SLC31A1: variants seen among roughly 807,000 people sequenced by gnomAD.
SLC31A1 encodes solute carrier family 31 member 1.
SLC31A1 carries 5 observed loss-of-function variants against 17.2 expected under a neutral mutation model. That is an observed-to-expected ratio of 0.29 (90% CI 0.15 to 0.61). The LOEUF (loss-of-function observed/expected upper bound fraction) is 0.61. SLC31A1 is among the 20% of genes least tolerant of loss of function. SLC31A1 has a pLI of 0.86. For missense variants in SLC31A1, 161 were observed against 241.4 expected (o/e 0.67, Z 2.21); for synonymous variants, 76 against 78.8 (o/e 0.96, Z 0.19).
chr9:113,236,413 G>C (rs1444690134), intron 1 of SLC31A1, among the ~76,000 whole-genome samples: 1 of 151,972 alleles, frequency 6.6e-6, no homozygotes, highest in Non-Finnish European at 1.5e-5. Flanking sequence ...GCCCAGGTTG[G>C]AGTGCAGTGG....
At chr9:113,234,749 C>G (rs1028791121) in intron 1 of SLC31A1, among the ~76,000 whole-genome samples, 2 of 151,884 alleles carry the variant, frequency 1.3e-5, no homozygotes, top group African/African-American at 2.4e-5. Context: ...CCAGGTGGTC[C>G]TTGGACCACA....
At chr9:113,223,833 C>T (rs140536074) in intron 1 of SLC31A1, among the ~76,000 whole-genome samples, 1 of 152,070 alleles carries the variant, frequency 6.6e-6, no homozygotes, top group Admixed American at 6.6e-5. Flanking sequence ...AAAGTTATAA[C>T]CAAGTTATAT....
intron 1 of SLC31A1, among the ~76,000 whole-genome samples, chr9:113,236,415 G>C (rs1296624197): frequency 3.3e-5 from 5 of 152,054 alleles, no homozygotes; most frequent in Non-Finnish European, 5.9e-5. Flanking sequence ...CCAGGTTGGA[G>C]TGCAGTGGTG....
intron 1 of SLC31A1, among the ~76,000 whole-genome samples, chr9:113,241,391 G>C (rs1318672512): frequency 1.3e-5 from 2 of 152,198 alleles, no homozygotes; most frequent in Non-Finnish European, 2.9e-5. Flanking sequence ...GCAAGATTCA[G>C]ATTCCAATGG....
At chr9:113,231,082 A>G (rs1831397902) in intron 1 of SLC31A1, among the ~76,000 whole-genome samples, 2 of 152,076 alleles carry the variant, frequency 1.3e-5, no homozygotes, top group South Asian at 4.1e-4. Context: ...CAAGTGCCAT[A>G]TCCTTCCTTT....
chr9:113,254,626 C>T (rs1380059733), intron 1 of SLC31A1, among the ~76,000 whole-genome samples: 6 of 152,120 alleles, frequency 3.9e-5, no homozygotes, highest in East Asian at 3.9e-4. Context: ...GGGCCGGGCA[C>T]GGTAGCTCAA....
chr9:113,257,406 C>A (rs1159598129), intron 3 of SLC31A1, among the ~76,000 whole-genome samples: 1 of 151,006 alleles, frequency 6.6e-6, no homozygotes, highest in Non-Finnish European at 1.5e-5. Flanking sequence ...TTTTGGAGCT[C>A]TAAAAAATAA....
chr9:113,222,714 G>A (rs1367795880), intron 1 of SLC31A1, among the ~76,000 whole-genome samples: 5 of 152,194 alleles, frequency 3.3e-5, no homozygotes, highest in Non-Finnish European at 5.9e-5. Flanking sequence ...TTGGAATGAT[G>A]CAACTGGAAT....
At chr9:113,252,324 C>T (rs1000299158) in intron 1 of SLC31A1, among the ~76,000 whole-genome samples, 1 of 152,118 alleles carries the variant, frequency 6.6e-6, no homozygotes, top group Non-Finnish European at 1.5e-5. Flanking sequence ...GAGATGGAGT[C>T]TCGGTCTGTC....
chr9:113,238,643 T>G (rs941012203), intron 1 of SLC31A1, among the ~76,000 whole-genome samples: 1 of 152,160 alleles, frequency 6.6e-6, no homozygotes, highest in African/African-American at 2.4e-5. Context: ...ACGCCTGTAA[T>G]CCCGCCTACT....
intron 1 of SLC31A1, among the ~76,000 whole-genome samples, chr9:113,255,025 A>T (rs1424309102): frequency 6.6e-6 from 1 of 152,222 alleles, no homozygotes; most frequent in African/African-American, 2.4e-5. Context: ...TTAATTTAAT[A>T]TAGAGTATCC....
chr9:113,256,385 A>T (rs747578143), intron 2 of SLC31A1, 108 bp downstream of exon 2: 169 of 1,314,750 alleles, frequency 1.3e-4, no homozygotes, highest in Non-Finnish European at 1.7e-4. Flanking sequence ...TCAGTTTACC[A>T]GTGAGGATAA....
At chr9:113,226,923 C>G (rs545169782) in intron 1 of SLC31A1, among the ~76,000 whole-genome samples, 5 of 152,250 alleles carry the variant, frequency 3.3e-5, no homozygotes, top group African/African-American at 1.2e-4. Context: ...TCTCTCCTAC[C>G]TTTTCTGATG....
chr9:113,226,907 G>T (rs573315953), intron 1 of SLC31A1, among the ~76,000 whole-genome samples: 1 of 152,098 alleles, frequency 6.6e-6, no homozygotes, highest in African/African-American at 2.4e-5. Context: ...TCATACACCC[G>T]CATCCTCTCT....
chr9:113,238,134 T>G (rs1227004755), intron 1 of SLC31A1, among the ~76,000 whole-genome samples: 1 of 152,214 alleles, frequency 6.6e-6, no homozygotes, highest in Non-Finnish European at 1.5e-5. Flanking sequence ...TCCATGAGTT[T>G]CAGATGAGAC....
rs1831777254 is a variant in SLC31A1, at chr9:113,260,328, T to C, written c.428T>C (p.Val143Ala). 6.2e-7 allele frequency: 1 copy of C among 1,614,192 alleles called. No homozygotes were observed. The highest frequency in any genetic ancestry group is 2.2e-5 in the East Asian group (1 of 44,884). Residue 143 changes from valine to alanine, a missense_variant, in exon 5 of 5, where the codon GTG (valine) becomes GCG (alanine). Coordinates refer to ENST00000374212, the MANE Select transcript of SLC31A1 (RefSeq NM_001859.4). ...LLQTVLHIIQ[V>A]VISYFLMLIF... is the part of the protein sequence containing the mutation. ...CAAACAGTGCTGCACATCATCCAGG[T>C]GGTCATAAGCTACTTCCTCATGCTC...
At chr9:113,260,199 A>G in intron 4 of SLC31A1, 73 bp from the exon 5 acceptor site, 1 of 1,320,012 alleles carries the variant, frequency 7.6e-7, no homozygotes, top group Non-Finnish European at 1.1e-6. Flanking sequence ...CATGGCAAGA[A>G]CTCTTCCCTC....
At chr9:113,226,014 G>A (rs542757117) in intron 1 of SLC31A1, among the ~76,000 whole-genome samples, 2 of 152,096 alleles carry the variant, frequency 1.3e-5, no homozygotes, top group East Asian at 1.9e-4. Context: ...GGCACCTGTA[G>A]TCCCAGCTAC....
At chr9:113,254,756 A>G (rs1302865143) in intron 1 of SLC31A1, among the ~76,000 whole-genome samples, 2 of 152,110 alleles carry the variant, frequency 1.3e-5, no homozygotes, top group Non-Finnish European at 2.9e-5. Context: ...AAAATTAGCC[A>G]GGTGTGGTAG....
Sources: allele counts gnomAD v4.1 joint callset (sites outside exome capture counted in the v4.1 genomes callset), GRCh38; gene constraint gnomAD v4.1.1; transcripts MANE v1.5; gene names NCBI Gene and HGNC (gene_info 2026-07-23, HGNC 2026-07-21).